Variants in TRIP11 observed in about 807,000 individuals in gnomAD.
The protein encoded by TRIP11 is thyroid hormone receptor interactor 11.
A neutral mutation model predicts 223.1 loss-of-function variants in TRIP11; 148 were observed. That is an observed-to-expected ratio of 0.66 (90% CI 0.58 to 0.76). TRIP11 has a LOEUF of 0.76. Ranked by LOEUF, TRIP11 falls within the 30% of genes least tolerant of loss-of-function variation. TRIP11 has a pLI of 0.00. For missense variants in TRIP11, 2,043 were observed against 2,222.0 expected (o/e 0.92, Z 1.62); for synonymous variants, 762 against 772.6 (o/e 0.99, Z 0.23).
intron 13 of TRIP11, among the ~76,000 whole-genome samples, chr14:91,997,624 C>T (rs1038389542): frequency 9.4e-4 from 143 of 151,774 alleles, no homozygotes; most frequent in African/African-American, 3.4e-3. Flanking sequence ...TCAGGTTCAC[C>T]CTTCAGGCAG....
intron 11 of TRIP11, among the ~76,000 whole-genome samples, chr14:92,001,418 G>A (rs2056824808): frequency 6.8e-6 from 1 of 148,052 alleles, no homozygotes; most frequent in Non-Finnish European, 1.5e-5. Context: ...GCAAATGCTT[G>A]AGAAATTAAA....
chr14:92,015,856 T>C lies in TRIP11; in HGVS notation c.663A>G (p.Leu221=), dbSNP rs1447964928. Residue 221 remains leucine (L), a synonymous_variant, in exon 6 of 21, where the codon CTA becomes CTG. Transcript: ENST00000267622. ...CAATTTCCTGACTTCGGTTCTGTTT[T>C]AGTTCCTTAAAAAATAAAAACAAAG... ...ICKLQNIIKE[L]KQNRSQEIDD... The C allele has an allele frequency of 4.3e-6, 7 of 1,609,844 alleles. No homozygotes were observed. Among genetic ancestry groups the C allele is most frequent in the South Asian group, 3.3e-5 (3 of 90,716 alleles).
At chr14:92,027,482 AT>A (rs142781526) in intron 2 of TRIP11, among the ~76,000 whole-genome samples, 2,975 of 151,734 alleles carry the variant, frequency 0.02, 98 homozygotes, top group African/African-American at 0.066. Context: ...GTTGCTGTTT[AT>A]TTTTTTTGGC....
In TRIP11 at chr14:91,975,280, T is replaced by C. The variant is rs2056450532; in HGVS notation, c.5349A>G (p.Leu1783=). ...NSSEGKVDKV[L]MRNLFIGHFH... is the part of the protein sequence containing the mutation. ...AATGACCAATGAAGAGGTTTCTCAT[T>C]AGGACTCTATGAAAATAAAGGCAGA... is the stretch of plus-strand genomic sequence containing the variant. The change falls in exon 18 of 21, where the codon CTA becomes CTG. Residue 1783 remains leucine (L), a synonymous_variant. Coordinates refer to ENST00000267622, the MANE Select transcript of TRIP11 (RefSeq NM_004239.4). 3 of 1,612,638 alleles carry C rather than the reference T, an allele frequency of 1.9e-6. No individual in the cohort carries two copies. The highest frequency in any genetic ancestry group is 2.5e-6 in the Non-Finnish European group (3 of 1,178,980).
Position 92,000,081 on chromosome 14 carries a change from A to C in TRIP11, c.4585T>G (p.Leu1529Val). Reference sequence around the variant, plus strand: ...TCCTGCATTGATTTAACTGCATTTAAAAGCTGATTTAACTCTCCAGTCTTG... The same window carrying C: ...TCCTGCATTGATTTAACTGCATTTACAAGCTGATTTAACTCTCCAGTCTTG... Reference protein sequence around the residue: ...QGKTGELNQLLNAVKSMQEKT... With the variant: ...QGKTGELNQLVNAVKSMQEKT... Residue 1529 changes from leucine (L) to valine (V), a missense_variant, in exon 12 of 21, where the codon TTA (leucine) becomes GTA (valine). Coordinates refer to ENST00000267622, the MANE Select transcript of TRIP11 (RefSeq NM_004239.4). 3 of 1,613,984 alleles carry C rather than the reference A, an allele frequency of 1.9e-6. No individual in the cohort carries two copies. Among genetic ancestry groups the C allele is most frequent in the Non-Finnish European group, 2.5e-6 (3 of 1,179,966 alleles).
chr14:92,039,853 C>G lies in TRIP11; in HGVS notation c.-168G>C. 3 of 1,434,678 alleles carry G rather than the reference C, an allele frequency of 2.1e-6. No homozygotes were observed. Among genetic ancestry groups the G allele is most frequent in the Non-Finnish European group, 2.8e-6 (3 of 1,059,608 alleles). The allele number at this position is 1,434,678 out of a possible 1,614,324, so 88.9% of individuals were successfully genotyped here. ...CGACTCCAGGTTCTGCCTAGAAACG[C>G]AGAGGCCTGGCCTGGAATTTTACCA... is the stretch of plus-strand genomic sequence containing the variant. On this transcript the variant is annotated 5_prime_UTR_variant, in exon 1 of 21. Transcript: ENST00000267622.
chr14:92,029,309 T>TTTTTTTA (rs1385592807), intron 2 of TRIP11, among the ~76,000 whole-genome samples: 5 of 86,892 alleles, frequency 5.8e-5, no homozygotes, highest in African/African-American at 2.1e-4. Context: ...TTTTTTTTTT[T>TTTTTTTA]TTTTGAGATG....
chr14:91,998,374 GT>G (rs772361987), intron 13 of TRIP11, among the ~76,000 whole-genome samples: 1 of 152,110 alleles, frequency 6.6e-6, no homozygotes, highest in African/African-American at 2.4e-5. Context: ...TCAACACTCA[GT>G]GATTTTGAAA....
intron 2 of TRIP11, among the ~76,000 whole-genome samples, chr14:92,032,159 C>T (rs76783171): frequency 0.013 from 1,973 of 151,536 alleles, 30 homozygotes; most frequent in African/African-American, 0.045. Flanking sequence ...TCCTTTTTTT[C>T]TTTTTTTGGA....
intron 2 of TRIP11, among the ~76,000 whole-genome samples, chr14:92,025,873 C>T (rs1286773830): frequency 3.6e-5 from 5 of 137,912 alleles, no homozygotes; most frequent in Admixed American, 7.1e-5. Flanking sequence ...AGCGAGACTC[C>T]GTCTCAAAAA....
chr14:92,004,806 A>G lies in TRIP11; in HGVS notation c.3170T>C (p.Leu1057Pro), dbSNP rs765731835. 1.9e-6 allele frequency: 3 copies of G among 1,613,988 alleles called. No individual in the cohort carries two copies. Among genetic ancestry groups the G allele is most frequent in the Non-Finnish European group, 2.5e-6 (3 of 1,180,020 alleles). Residue 1057 changes from leucine to proline, a missense_variant, in exon 11 of 21, where the codon CTA becomes CCA. Leu to Pro is a moderately conservative substitution (Grantham distance 98, BLOSUM62 -3). Transcript: ENST00000267622. ...ATCTTTCTGCTGAATAATCTGAGTT[A>G]GTTTACCAACTTCATCTTTGGACAA... Reference protein sequence around the residue: ...DQLSKDEVGKLTQIIQQKDLE... With the variant: ...DQLSKDEVGKPTQIIQQKDLE...
chr14:92,030,182 C>A (rs1221541232), intron 2 of TRIP11, among the ~76,000 whole-genome samples: 11 of 114,964 alleles, frequency 9.6e-5, no homozygotes, highest in African/African-American at 3.5e-4. Flanking sequence ...CCAGCCTGGG[C>A]GACAGAGCGA....
At chr14:92,038,097 A>G (rs1485877524) in intron 1 of TRIP11, among the ~76,000 whole-genome samples, 2 of 152,234 alleles carry the variant, frequency 1.3e-5, no homozygotes, top group African/African-American at 4.8e-5. Context: ...ACAAGATATC[A>G]TGACCAACTG....
At chr14:91,990,892 A>C (rs2056663662) in intron 15 of TRIP11, among the ~76,000 whole-genome samples, 1 of 152,224 alleles carries the variant, frequency 6.6e-6, no homozygotes, top group Non-Finnish European at 1.5e-5. Context: ...GAAACCACTA[A>C]GAGTATTAGA....
chr14:91,997,055 T>A (rs1219991562), intron 13 of TRIP11, among the ~76,000 whole-genome samples: 1 of 152,194 alleles, frequency 6.6e-6, no homozygotes, highest in Non-Finnish European at 1.5e-5. Flanking sequence ...ATTAGCACCC[T>A]CTTGTGGAAA....
chr14:92,010,413 C>T (rs1405970558), intron 9 of TRIP11, among the ~76,000 whole-genome samples: 1 of 152,064 alleles, frequency 6.6e-6, no homozygotes, highest in African/African-American at 2.4e-5. Flanking sequence ...GCCTGTAATC[C>T]CAGCAACTCA....
intron 16 of TRIP11, among the ~76,000 whole-genome samples, chr14:91,985,676 A>G (rs1001502949): frequency 6.6e-6 from 1 of 152,230 alleles, no homozygotes; most frequent in Non-Finnish European, 1.5e-5. Context: ...TCAAGTCTCC[A>G]TGTACTTTCT....
intron 2 of TRIP11, among the ~76,000 whole-genome samples, chr14:92,028,453 T>G (rs113221642): frequency 0.024 from 3,636 of 152,072 alleles, 143 homozygotes; most frequent in African/African-American, 0.082. Flanking sequence ...CTCAGGAGGC[T>G]GAGGAGGGAA....
chr14:92,017,130 T>C (rs890985589), intron 5 of TRIP11, among the ~76,000 whole-genome samples: 2 of 152,068 alleles, frequency 1.3e-5, no homozygotes, highest in African/African-American at 4.8e-5. Context: ...CAAGATACAA[T>C]AGAGTATAGA....
Sources: gnomAD v4.1 joint callset for allele counts (sites outside exome capture counted in the v4.1 genomes callset) on GRCh38, gnomAD v4.1.1 for gene constraint, MANE v1.5 for transcripts, NCBI Gene and HGNC (gene_info 2026-07-23, HGNC 2026-07-21) for gene names.